The following GPM6A variants were observed in gnomAD, a reference collection of about 807,000 sequenced individuals.
GPM6A encodes the protein neuronal membrane glycoprotein M6-a.
In GPM6A, 7 loss-of-function variants were observed where a neutral mutation model predicts 32.1. The ratio of observed to expected loss-of-function variants is 0.22; its 90% CI spans 0.12 to 0.41. The LOEUF is 0.41. Ranked by LOEUF, GPM6A falls within the 10% of genes least tolerant of loss-of-function variation. The pLI is 1.00. For synonymous variants in GPM6A, 130 were observed against 123.4 expected, an observed-to-expected ratio of 1.05 and a Z score of -0.35; for missense variants, 235 against 347.2, an observed-to-expected ratio of 0.68 and a Z score of 2.57.
At chr4:175,803,025 G>A (rs1394188661) in intron 1 of GPM6A, among the ~76,000 whole-genome samples, 1 of 152,086 alleles carries the variant, frequency 6.6e-6, no homozygotes, top group East Asian at 1.9e-4. Context: ...TAGCTGCTCT[G>A]TTAGATCTGT....
At position 175,952,255 on chromosome 4, in the gene GPM6A, G is replaced by A. The variant is rs1432950432; in HGVS notation, c.-23+50054C>T. On this transcript the variant is annotated intron_variant, in intron 1 of 7. Coordinates refer to the GPM6A transcript ENST00000280187. ...TTGACTTTTGAGAACATTCTTTTAT[G>A]TTTGAAATATTCAAGTTAAGATACT... Among the ~76,000 whole-genome samples the A allele has an allele frequency of 4.6e-5, 7 of 152,286 alleles. No individual in the cohort carries two copies. In the East Asian group the frequency reaches 1.2e-3, roughly 25 times the overall value.
chr4:175,775,465 C>T (rs17658930), intron 1 of GPM6A, among the ~76,000 whole-genome samples: 3,069 of 152,164 alleles, frequency 0.02, 55 homozygotes, highest in Non-Finnish European at 0.031. Flanking sequence ...TTCAGAATTT[C>T]ACTAAAAACC....
At chr4:175,641,187 A>G (rs1373561539) in intron 4 of GPM6A, 1 of 201,460 alleles carries the variant, frequency 5.0e-6, no homozygotes, top group African/African-American at 2.3e-5. Flanking sequence ...TGCTGAAGTC[A>G]GGATCTAAAT....
intron 1 of GPM6A, 146 bp downstream of exon 1, chr4:175,812,045 A>T: frequency 1.7e-6 from 1 of 595,462 alleles, no homozygotes; most frequent in Non-Finnish European, 2.9e-6. Flanking sequence ...ACATTACTGC[A>T]AGTGAGGAAC....
chr4:175,870,594 T>C (rs937902560), intron 1 of GPM6A, among the ~76,000 whole-genome samples: 2 of 152,216 alleles, frequency 1.3e-5, no homozygotes, highest in African/African-American at 4.8e-5. Flanking sequence ...TCTAGAACCC[T>C]GAGAATTTCC....
intron 1 of GPM6A, among the ~76,000 whole-genome samples, chr4:175,785,858 G>T (rs948326602): frequency 4.6e-5 from 7 of 152,096 alleles, no homozygotes; most frequent in African/African-American, 1.7e-4. Context: ...CACCATGGCT[G>T]GGCAAGGCGG....
intron 1 of GPM6A, chr4:175,970,801 G>C (rs1176108154): frequency 2.3e-6 from 1 of 437,702 alleles, no homozygotes; most frequent in Non-Finnish European, 4.5e-6. Context: ...ATTTTTCTTT[G>C]TCACCGCTTC....
chr4:175,774,585 C>T (rs1240497394), intron 1 of GPM6A, among the ~76,000 whole-genome samples: 1 of 151,998 alleles, frequency 6.6e-6, no homozygotes, highest in Non-Finnish European at 1.5e-5. Context: ...AAACTAAAAA[C>T]AATCAGCCAC....
At chr4:175,835,627 G>GTATATATATATATATATATATA (rs35980764) in intron 1 of GPM6A, among the ~76,000 whole-genome samples, 2 of 138,628 alleles carry the variant, frequency 1.4e-5, no homozygotes, top group African/African-American at 5.4e-5. Flanking sequence ...GTGAGTGTGT[G>GTATATATATATATATATATATA]TATATATATA....
chr4:175,919,291 G>A (rs546823317), intron 1 of GPM6A, among the ~76,000 whole-genome samples: 1 of 152,058 alleles, frequency 6.6e-6, no homozygotes, highest in South Asian at 2.1e-4. Flanking sequence ...AAAATTCTGT[G>A]TATCATAAAA....
At chr4:175,750,403 T>G (rs532923307) in intron 1 of GPM6A, among the ~76,000 whole-genome samples, 1 of 152,134 alleles carries the variant, frequency 6.6e-6, no homozygotes, top group Admixed American at 6.6e-5. Context: ...TTGAGACTAA[T>G]GAGGGTAATG....
intron 3 of GPM6A, among the ~76,000 whole-genome samples, chr4:175,667,487 C>A (rs1485794385): frequency 6.6e-6 from 1 of 152,024 alleles, no homozygotes; most frequent in Non-Finnish European, 1.5e-5. Flanking sequence ...AATATGGTAT[C>A]CCGAATGGGA....
chr4:175,705,357 G>C (rs187687745), intron 1 of GPM6A, among the ~76,000 whole-genome samples: 17 of 152,168 alleles, frequency 1.1e-4, no homozygotes, highest in African/African-American at 3.6e-4. Flanking sequence ...AAAATCTTTT[G>C]ACTTAAGACC....
chr4:175,711,496 T>TTTATATAC (rs1169785802), intron 1 of GPM6A, among the ~76,000 whole-genome samples: 1 of 142,810 alleles, frequency 7.0e-6, no homozygotes, highest in Non-Finnish European at 1.5e-5. Context: ...ATATAATATA[T>TTTATATAC]TTATATACTT....
intron 4 of GPM6A, among the ~76,000 whole-genome samples, chr4:175,643,715 T>C (rs1017280647): frequency 1.3e-5 from 2 of 152,152 alleles, no homozygotes; most frequent in African/African-American, 4.8e-5. Flanking sequence ...TAATAATTAG[T>C]CACAGCTGGC....
intron 1 of GPM6A, among the ~76,000 whole-genome samples, chr4:175,929,652 C>CTCAT (rs1738963834): frequency 6.6e-6 from 1 of 152,118 alleles, no homozygotes; most frequent in Non-Finnish European, 1.5e-5. Context: ...TGAGATCATG[C>CTCAT]TGTTATGAGT....
At chr4:175,876,734 C>A (rs1737095642) in intron 1 of GPM6A, among the ~76,000 whole-genome samples, 1 of 152,190 alleles carries the variant, frequency 6.6e-6, no homozygotes, top group Non-Finnish European at 1.5e-5. Flanking sequence ...AAACAGGATT[C>A]AACCAATCCA....
At position 175,846,051 on chromosome 4, in the gene GPM6A, A is replaced by T. The variant is rs149365681; in HGVS notation, c.-22-33802T>A. On this transcript the variant is annotated intron_variant, in intron 1 of 7. Transcript: ENST00000280187. ...AATATTAGTCACCCTCAAGTTCATA[A>T]CACCCTCCACCCCCATAAGAATTGT... Among the ~76,000 whole-genome samples, 960 of 152,102 alleles carry T rather than the reference A, an allele frequency of 6.3e-3. 6 individuals are homozygous for T. Among genetic ancestry groups the T allele is most frequent in the South Asian group, 0.011 (54 of 4,818 alleles).
At chr4:175,907,840 T>A (rs979052192) in intron 1 of GPM6A, among the ~76,000 whole-genome samples, 1 of 152,196 alleles carries the variant, frequency 6.6e-6, no homozygotes, top group African/African-American at 2.4e-5. Context: ...GGTCTTCATT[T>A]ACTTATGAAG....
Sources: allele counts gnomAD v4.1 joint callset (sites outside exome capture counted in the v4.1 genomes callset), GRCh38; gene constraint gnomAD v4.1.1; transcripts MANE v1.5; gene names NCBI Gene and HGNC (gene_info 2026-07-23, HGNC 2026-07-21).